CAMK2G: variants seen among roughly 807,000 people sequenced by gnomAD.
CAMK2G encodes the protein calcium/calmodulin dependent protein kinase II gamma.
Under a neutral mutation model 88.7 loss-of-function variants are expected in CAMK2G, and 23 were observed. The ratio of observed to expected loss-of-function variants is 0.26; its 90% CI spans 0.19 to 0.37. The LOEUF (loss-of-function observed/expected upper bound fraction) is 0.37. CAMK2G is among the 10% of genes least tolerant of loss of function. The pLI is 1.00. For synonymous variants in CAMK2G, 263 were observed against 294.8 expected (o/e 0.89, Z 1.11); for missense variants, 476 against 780.8 (o/e 0.61, Z 4.65).
intron 10 of CAMK2G, among the ~76,000 whole-genome samples, chr10:73,844,343 G>A (rs2094061735): frequency 6.6e-6 from 1 of 151,600 alleles, no homozygotes; most frequent in African/African-American, 2.4e-5. Flanking sequence ...TACCTACCCT[G>A]GTCTCCCAAA....
Position 73,874,493 on chromosome 10 carries a change from C to T in CAMK2G, c.-32G>A. ...GGGCGGGCGGACGCGGCGGTGCAGCCCGCGCCGACGTCGGTGCACAGTCAC... is the reference window on the plus strand; with the variant it reads ...GGGCGGGCGGACGCGGCGGTGCAGCTCGCGCCGACGTCGGTGCACAGTCAC... On this transcript the variant is annotated 5_prime_UTR_variant, in exon 1 of 23. Transcript: ENST00000423381. 2 of 1,452,208 alleles carry T rather than the reference C, an allele frequency of 1.4e-6. No homozygotes were observed. Among genetic ancestry groups the T allele is most frequent in the Non-Finnish European group, 1.8e-6 (2 of 1,088,168 alleles). The allele number at this position is 1,452,208 out of a possible 1,614,324, so 90.0% of individuals were successfully genotyped here. A position where few individuals can be genotyped will look rare whatever the true frequency, so the allele number is the denominator to read the frequency against.
chr10:73,817,336 G>T, intron 20 of CAMK2G, 143 bp downstream of exon 20: 1 of 806,762 alleles, frequency 1.2e-6, no homozygotes, highest in Non-Finnish European at 2.0e-6. Flanking sequence ...ACCTGGAAGG[G>T]CTCCCAGTTT....
chr10:73,847,856 C>T, intron 9 of CAMK2G, 132 bp downstream of exon 9: 1 of 609,082 alleles, frequency 1.6e-6, no homozygotes, highest in South Asian at 2.1e-5. Flanking sequence ...GATGCCCATT[C>T]CTGGGTCCTC....
chr10:73,849,244 G>C lies in CAMK2G; in HGVS notation c.414+17C>G. 6.2e-7 allele frequency: 1 copy of C among 1,608,584 alleles called. No homozygotes were observed. The highest frequency in any genetic ancestry group is 8.5e-7 in the Non-Finnish European group (1 of 1,174,994). ...ACACTTCATGAGCAGAGGCACGGAG[G>C]GGAGCCTGGGTAGTACCTTCAGGTC... On this transcript the variant is annotated intron_variant, in intron 6 of 22. Transcript: ENST00000423381.
chr10:73,823,151 C>T (rs550519077), intron 17 of CAMK2G, among the ~76,000 whole-genome samples: 2 of 151,974 alleles, frequency 1.3e-5, no homozygotes, highest in Admixed American at 6.5e-5. Flanking sequence ...CATGAGCCAC[C>T]GCACCTGGCC....
chr10:73,837,163 C>T (rs2093331252), intron 14 of CAMK2G: 1 of 368,314 alleles, frequency 2.7e-6, no homozygotes, highest in Non-Finnish European at 5.0e-6. Context: ...CTAAAAAACC[C>T]AGAGTCAAGC....
intron 21 of CAMK2G, chr10:73,816,780 T>C: frequency 6.7e-7 from 1 of 1,482,122 alleles, no homozygotes; most frequent in African/African-American, 1.4e-5. Flanking sequence ...AGCTTGATTG[T>C]GGTGACTGGC....
Position 73,813,979 on chromosome 10 carries a change from C to G in CAMK2G, c.*539G>C, listed in dbSNP as rs1221403936. 1 of 152,656 alleles carries G rather than the reference C, an allele frequency of 6.6e-6. No individual in the cohort carries two copies. Among genetic ancestry groups the G allele is most frequent in the Non-Finnish European group, 1.5e-5 (1 of 68,058 alleles). 9.5% of individuals were successfully genotyped at this position (152,656 alleles called of 1,614,324 possible). Reference sequence around the variant, plus strand: ...GGTCTGATGGTCACGATGTTCTCATCAGCCCCATTCTAGGCGCCTATGCAA... The same window carrying G: ...GGTCTGATGGTCACGATGTTCTCATGAGCCCCATTCTAGGCGCCTATGCAA... On this transcript the variant is annotated 3_prime_UTR_variant, in exon 23 of 23. Transcript: ENST00000423381.
At chr10:73,828,065 G>A (rs1565236181) in intron 15 of CAMK2G, 24 bp downstream of exon 15, 5 of 1,606,424 alleles carry the variant, frequency 3.1e-6, no homozygotes, top group South Asian at 1.1e-5. Flanking sequence ...TGGAGTGGGC[G>A]ATGGGTGGGC....
chr10:73,842,458 CT>C lies in CAMK2G; in HGVS notation c.902del (p.Lys301ArgfsTer42). The C allele has an allele frequency of 6.2e-7, 1 of 1,609,354 alleles. No homozygotes were observed. Among genetic ancestry groups the C allele is most frequent in the Non-Finnish European group, 8.5e-7 (1 of 1,175,602 alleles). ...LRKFNARRKL[K>X]GAILTTMLVS... Reference sequence around the variant, plus strand: ...CTGGCAGCCTAGAAACGACACTCACCTTCAGTTTTCTCCGGGCATTGAACTT... The same window carrying C: ...CTGGCAGCCTAGAAACGACACTCACCTCAGTTTTCTCCGGGCATTGAACTT... On this transcript the variant is annotated frameshift_variant and splice_region_variant, in exon 11 of 23. Transcript: ENST00000423381. LOFTEE classifies it high-confidence loss of function. This position sits in a 1 kb window ranked among gnomAD's most constrained non-coding sequence, Gnocchi z 4.6.
At chr10:73,847,960 C>T (rs1210638873) in intron 9 of CAMK2G, 28 bp downstream of exon 9, 7 of 1,407,678 alleles carry the variant, frequency 5.0e-6, no homozygotes, top group Non-Finnish European at 7.0e-6. Flanking sequence ...CCCTTCCTGG[C>T]CTGGCTGCCC....
chr10:73,865,678 C>A (rs2095559254), intron 2 of CAMK2G, among the ~76,000 whole-genome samples: 1 of 152,160 alleles, frequency 6.6e-6, no homozygotes, highest in South Asian at 2.1e-4. Flanking sequence ...ATCTCCAACC[C>A]CAAAAAGGGC....
At chr10:73,863,709 C>T (rs2135639236) in intron 2 of CAMK2G, among the ~76,000 whole-genome samples, 1 of 152,312 alleles carries the variant, frequency 6.6e-6, no homozygotes. Context: ...AGCAACAGCA[C>T]TAAAAATAAG....
At chr10:73,821,911 G>C (rs114402903) in intron 17 of CAMK2G, among the ~76,000 whole-genome samples, 181 bp from the exon 18 acceptor site, 2,440 of 152,220 alleles carry the variant, frequency 0.016, 52 homozygotes, top group African/African-American at 0.056. Flanking sequence ...CCCCCAGTTG[G>C]TAAATGCCAC....
Position 73,839,712 on chromosome 10 carries a change from G to A in CAMK2G, c.947-111C>T, listed in dbSNP as rs1430151092. On this transcript the variant is annotated intron_variant, in intron 12 of 22. Coordinates refer to ENST00000423381, the MANE Select transcript of CAMK2G (RefSeq NM_001367534.1). The surrounding 1 kb of genome is among the most constrained non-coding windows in gnomAD (Gnocchi z 4.2). ...CCCAGGCGGCGTGGCCAAGCCAGCC[G>A]AGCTGGGGGAGCGGAGCGCCAGGGG... 1.2e-5 allele frequency: 7 copies of A among 561,182 alleles called. No homozygotes were observed. Among genetic ancestry groups the A allele is most frequent in the East Asian group, 3.5e-5 (1 of 28,384 alleles). The allele number at this position is 561,182 out of a possible 1,614,324, so 34.8% of individuals were successfully genotyped here.
chr10:73,835,013 C>T (rs1005785795), intron 14 of CAMK2G, among the ~76,000 whole-genome samples: 4 of 152,174 alleles, frequency 2.6e-5, no homozygotes, highest in Middle Eastern at 3.2e-3. Flanking sequence ...TCTTCACATG[C>T]GCTCTTCCCT....
intron 5 of CAMK2G, among the ~76,000 whole-genome samples, chr10:73,851,750 T>TGGG (rs34527786): frequency 1.2e-4 from 10 of 82,350 alleles, no homozygotes; most frequent in Middle Eastern, 5.0e-3. Flanking sequence ...ATTTTTTTTG[T>TGGG]GGGGGGGGGG....
intron 10 of CAMK2G, among the ~76,000 whole-genome samples, chr10:73,843,543 A>G (rs2093982342): frequency 6.6e-6 from 1 of 152,140 alleles, no homozygotes. Context: ...GGGACTGCAG[A>G]GGGTAGGGCC....
rs1399072283 is a variant in CAMK2G, at chr10:73,812,884, T to A, written c.*1634A>T. 6.5e-6 allele frequency: 1 copy of A among 152,724 alleles called. No individual in the cohort carries two copies. Among genetic ancestry groups the A allele is most frequent in the Non-Finnish European group, 1.5e-5 (1 of 68,072 alleles). The allele number at this position is 152,724 out of a possible 1,614,324, so 9.5% of individuals were successfully genotyped here. ...CAGGAAAGGGCTAGGGCCCAGGGGC[T>A]GGGACATGCATGAGGTGCTCGGAGG... On this transcript the variant is annotated 3_prime_UTR_variant, in exon 23 of 23. Coordinates refer to ENST00000423381, the MANE Select transcript of CAMK2G (RefSeq NM_001367534.1).
Sources: allele counts gnomAD v4.1 joint callset (sites outside exome capture counted in the v4.1 genomes callset), GRCh38; gene constraint gnomAD v4.1.1; non-coding constraint Gnocchi (gnomAD v3.1); transcripts MANE v1.5; gene names NCBI Gene and HGNC (gene_info 2026-07-23, HGNC 2026-07-21).